The following CSMD1 variants were observed in gnomAD, a reference collection of about 807,000 sequenced individuals.
CSMD1 encodes CUB and sushi domain-containing protein 1.
Under a neutral mutation model 417.5 loss-of-function variants are expected in CSMD1, and 213 were observed. That is an observed-to-expected ratio of 0.51 (90% CI 0.46 to 0.57). The LOEUF (loss-of-function observed/expected upper bound fraction) is 0.57. Ranked by LOEUF, CSMD1 falls within the 20% of genes least tolerant of loss-of-function variation. CSMD1 has a pLI of 0.00. For missense variants in CSMD1, 6,923 were observed against 4,529.7 expected (o/e 1.53, Z -15.17); for synonymous variants, 2,862 against 1,736.8 (o/e 1.65, Z -16.11).
At chr8:4,405,045 T>G (rs1044236988) in intron 3 of CSMD1, among the ~76,000 whole-genome samples, 14 of 152,248 alleles carry the variant, frequency 9.2e-5, no homozygotes, top group Admixed American at 6.5e-4. Flanking sequence ...ATGTCGTGAC[T>G]ATGCTGGACA....
rs755630152 is a variant in CSMD1 at position 4,514,369 on chromosome 8, C to T, written c.303-94304G>A. Reference sequence around the variant, plus strand: ...TATACTGCAGATCAGAAGTAAAATACCTGAATTTTAGGGGGACACAGGCAG... The same window carrying T: ...TATACTGCAGATCAGAAGTAAAATATCTGAATTTTAGGGGGACACAGGCAG... On this transcript the variant is annotated intron_variant, in intron 2 of 69. Transcript: ENST00000635120. 6.6e-5 allele frequency among the ~76,000 whole-genome samples: 10 copies of T among 152,080 alleles called. 1 individual carries two copies. Among genetic ancestry groups the T allele is most frequent in the South Asian group, 2.1e-4 (1 of 4,832 alleles).
intron 5 of CSMD1, among the ~76,000 whole-genome samples, chr8:3,891,168 C>T (rs1397301408): frequency 1.3e-5 from 2 of 152,054 alleles, no homozygotes; most frequent in Non-Finnish European, 2.9e-5. Context: ...CCCTCAGCCT[C>T]CCAAGAAGCT....
intron 3 of CSMD1, among the ~76,000 whole-genome samples, chr8:4,111,134 G>C (rs562960076): frequency 6.6e-5 from 10 of 152,064 alleles, no homozygotes; most frequent in Non-Finnish European, 1.3e-4. Flanking sequence ...CTCTGGTTTG[G>C]TTCGTACACT....
At chr8:3,527,499 G>C (rs1260013771) in intron 10 of CSMD1, among the ~76,000 whole-genome samples, 1 of 152,140 alleles carries the variant, frequency 6.6e-6, no homozygotes, top group Non-Finnish European at 1.5e-5. Context: ...CCCAGGGGAG[G>C]TCTGCCTGGT....
intron 2 of CSMD1, among the ~76,000 whole-genome samples, chr8:4,567,368 T>C (rs1043232959): frequency 2.0e-5 from 3 of 152,138 alleles, no homozygotes; most frequent in Non-Finnish European, 4.4e-5. Flanking sequence ...GGAAGAGACC[T>C]CTGTTGCACC....
chr8:3,103,015 C>T (rs922267027), intron 46 of CSMD1, among the ~76,000 whole-genome samples: 1 of 152,122 alleles, frequency 6.6e-6, no homozygotes, highest in Admixed American at 6.5e-5. Flanking sequence ...GGAGACAAAA[C>T]AAGACTAATC....
intron 1 of CSMD1, among the ~76,000 whole-genome samples, chr8:4,775,529 T>C (rs1796809752): frequency 6.6e-6 from 1 of 152,168 alleles, no homozygotes; most frequent in South Asian, 2.1e-4. Flanking sequence ...GGGGTTCCTA[T>C]CAGAAGGACC....
intron 23 of CSMD1, among the ~76,000 whole-genome samples, chr8:3,328,400 G>A (rs1464019679): frequency 2.0e-5 from 3 of 152,162 alleles, no homozygotes; most frequent in Non-Finnish European, 2.9e-5. Flanking sequence ...CCACCTATCA[G>A]AATTTGTGTG....
intron 21 of CSMD1, among the ~76,000 whole-genome samples, chr8:3,349,884 T>TAA (rs1554522100): frequency 1.6e-5 from 2 of 125,538 alleles, no homozygotes; most frequent in African/African-American, 2.9e-5. Flanking sequence ...TATATCTATA[T>TAA]ATATATTTAT....
At chr8:4,346,170 C>A (rs1319591875) in intron 3 of CSMD1, among the ~76,000 whole-genome samples, 1 of 152,114 alleles carries the variant, frequency 6.6e-6, no homozygotes, top group East Asian at 1.9e-4. Flanking sequence ...CTATGGTTAA[C>A]AATCAAATAT....
At chr8:3,173,195 A>T (rs940017714) in intron 37 of CSMD1, among the ~76,000 whole-genome samples, 1 of 152,212 alleles carries the variant, frequency 6.6e-6, no homozygotes, top group Admixed American at 6.5e-5. Flanking sequence ...AAATATCACC[A>T]GTAGGAGTAA....
rs117989599 is a variant in CSMD1, at chr8:3,910,059, G to C, written c.818+87844C>G. On this transcript the variant is annotated intron_variant, in intron 5 of 69. Transcript: ENST00000635120. ...TTCTCTTAAAACAGAGGCATCACTA[G>C]AGCAAAGACCAGCTGCTAACATGGC... Among the ~76,000 whole-genome samples the C allele has an allele frequency of 2.9e-4, 44 of 152,232 alleles. No individual in the cohort carries two copies. The East Asian group carries it at 7.7e-3, about 27-fold the overall frequency.
chr8:4,697,496 T>C (rs1039750139), intron 1 of CSMD1, among the ~76,000 whole-genome samples: 4 of 152,190 alleles, frequency 2.6e-5, no homozygotes, highest in African/African-American at 9.6e-5. Context: ...CATATTCCTT[T>C]GGCTTTAGGT....
chr8:4,621,355 C>A (rs145370130), intron 2 of CSMD1, among the ~76,000 whole-genome samples: 1 of 151,894 alleles, frequency 6.6e-6, no homozygotes, highest in Non-Finnish European at 1.5e-5. Context: ...CATGTTGGCA[C>A]GAAACAATTT....
At chr8:3,903,414 TTAA>T (rs1457659061) in intron 5 of CSMD1, among the ~76,000 whole-genome samples, 1 of 152,194 alleles carries the variant, frequency 6.6e-6, no homozygotes, top group African/African-American at 2.4e-5. Context: ...TGCCAGAGCA[TTAA>T]TATTAATGTG....
At chr8:3,233,618 T>A (rs1427528650) in intron 26 of CSMD1, among the ~76,000 whole-genome samples, 1 of 152,218 alleles carries the variant, frequency 6.6e-6, no homozygotes, top group Non-Finnish European at 1.5e-5. Context: ...TACTTGGCCG[T>A]TCATATAGTA....
chr8:4,870,994 G>T (rs1030909), intron 1 of CSMD1, among the ~76,000 whole-genome samples: 1 of 152,008 alleles, frequency 6.6e-6, no homozygotes, highest in African/African-American at 2.4e-5. Context: ...GATGCCACAG[G>T]GTCTGGTCTG....
chr8:4,461,494 C>T (rs986137966), intron 2 of CSMD1, among the ~76,000 whole-genome samples: 2 of 148,010 alleles, frequency 1.4e-5, no homozygotes, highest in African/African-American at 5.0e-5. Context: ...TTAAGAACAT[C>T]TCCAGCAAGG....
chr8:4,655,459 T>G (rs1026627443), intron 1 of CSMD1, among the ~76,000 whole-genome samples: 1 of 152,130 alleles, frequency 6.6e-6, no homozygotes, highest in Admixed American at 6.5e-5. Flanking sequence ...CAGACATGGA[T>G]TCTGGCTTAT....
Sources: gnomAD v4.1 joint callset for allele counts (sites outside exome capture counted in the v4.1 genomes callset) on GRCh38, gnomAD v4.1.1 for gene constraint, MANE v1.5 for transcripts, NCBI Gene and HGNC (gene_info 2026-07-23, HGNC 2026-07-21) for gene names.